SBF2: variants seen among roughly 807,000 people sequenced by gnomAD.
SBF2 encodes myotubularin-related protein 13.
SBF2 carries 112 observed loss-of-function variants against 225.2 expected under a neutral mutation model. That is an observed-to-expected ratio of 0.50 (90% confidence interval 0.43 to 0.58). SBF2 has a LOEUF of 0.58. SBF2 is among the 20% of genes least tolerant of loss of function. The pLI, the probability that SBF2 is intolerant of heterozygous loss-of-function variation, is 0.00. For missense variants in SBF2, 1,996 were observed against 2,206.2 expected (o/e 0.90, Z 1.91); for synonymous variants, 763 against 773.3 (o/e 0.99, Z 0.22).
chr11:10,194,045 A>G (rs1957277794), intron 1 of SBF2, 58 bp from the exon 2 acceptor site: 1 of 1,042,624 alleles, frequency 9.6e-7, no homozygotes, highest in South Asian at 1.3e-5. Context: ...ACAAATACTC[A>G]TTCTACTCTT....
rs188483057 is a variant in SBF2, at chr11:10,044,064, T to G, written c.142-1083A>C. On this transcript the variant is annotated intron_variant, in intron 2 of 39. Transcript: ENST00000256190. ...GAAGAAAGATCTAAAGTCAGTAAACTAAGCTTTGACCTTTGGAAACTAGAA... is the reference window on the plus strand; with the variant it reads ...GAAGAAAGATCTAAAGTCAGTAAACGAAGCTTTGACCTTTGGAAACTAGAA... 8.8e-4 allele frequency among the ~76,000 whole-genome samples: 134 copies of G among 152,270 alleles called. 1 individual carries two copies. Among genetic ancestry groups the G allele is most frequent in the Non-Finnish European group, 1.6e-3 (106 of 68,018 alleles).
intron 2 of SBF2, among the ~76,000 whole-genome samples, chr11:10,110,203 T>C (rs1318277476): frequency 6.6e-6 from 1 of 152,214 alleles, no homozygotes; most frequent in Non-Finnish European, 1.5e-5. Context: ...CTACAAATCT[T>C]GAATCTTGAG....
At chr11:10,080,731 T>C (rs1377033172) in intron 2 of SBF2, among the ~76,000 whole-genome samples, 2 of 152,042 alleles carry the variant, frequency 1.3e-5, no homozygotes, top group Non-Finnish European at 2.9e-5. Context: ...GCCTTACTCA[T>C]AAAGACATGT....
At chr11:10,225,803 T>C (rs980830861) in intron 1 of SBF2, among the ~76,000 whole-genome samples, 1 of 152,166 alleles carries the variant, frequency 6.6e-6, no homozygotes, top group African/African-American at 2.4e-5. Context: ...TGTAATAAGG[T>C]TGGCAAAAGT....
At chr11:9,867,345 T>A (rs958176001) in intron 17 of SBF2, among the ~76,000 whole-genome samples, 3 of 152,094 alleles carry the variant, frequency 2.0e-5, no homozygotes, top group Non-Finnish European at 4.4e-5. Context: ...GGAGATATTA[T>A]CTTGTCCCAG....
chr11:9,980,313 A>AT (rs71034749), intron 13 of SBF2, among the ~76,000 whole-genome samples: 7 of 140,052 alleles, frequency 5.0e-5, no homozygotes, highest in African/African-American at 7.9e-5. Flanking sequence ...AAAAAAAAAA[A>AT]TTTGTAGAGA....
chr11:10,252,707 G>A (rs1960476663), intron 1 of SBF2, among the ~76,000 whole-genome samples: 1 of 152,054 alleles, frequency 6.6e-6, no homozygotes, highest in African/African-American at 2.4e-5. Context: ...CTACTTGGGA[G>A]GCTGAGGCAG....
In SBF2 at chr11:10,233,546, A is replaced by AATAT. The variant is rs370611755; in HGVS notation, c.56-39563_56-39560dup. On this transcript the variant is annotated intron_variant, in intron 1 of 39. Transcript: ENST00000256190. ...AACCTCTTGGTGTATATCCTAACCA[A>AATAT]ATATATATATATATCTCTCTCTCTC... Among the ~76,000 whole-genome samples the AATAT allele has an allele frequency of 6.7e-5, 10 of 150,240 alleles. No individual in the cohort carries two copies. In the South Asian group the frequency reaches 1.1e-3, roughly 16 times the overall value.
chr11:10,239,072 A>G (rs891001547), intron 1 of SBF2, among the ~76,000 whole-genome samples: 3 of 150,860 alleles, frequency 2.0e-5, no homozygotes, highest in African/African-American at 4.8e-5. Context: ...GTTTATGTGT[A>G]TATACATGTA....
intron 2 of SBF2, among the ~76,000 whole-genome samples, chr11:10,071,016 C>T (rs916369427): frequency 6.6e-6 from 1 of 152,082 alleles, no homozygotes; most frequent in Non-Finnish European, 1.5e-5. Flanking sequence ...ATTTTGTTTC[C>T]TGAGACACTG....
At chr11:10,073,690 A>G (rs148964426) in intron 2 of SBF2, among the ~76,000 whole-genome samples, 1 of 152,230 alleles carries the variant, frequency 6.6e-6, no homozygotes, top group Non-Finnish European at 1.5e-5. Context: ...GCACTACTGC[A>G]CTCTAGCCTG....
intron 17 of SBF2, among the ~76,000 whole-genome samples, chr11:9,890,485 T>C (rs1300557153): frequency 6.6e-6 from 1 of 152,222 alleles, no homozygotes; most frequent in Non-Finnish European, 1.5e-5. Flanking sequence ...ATAACGCTCT[T>C]ATTCTGAAGT....
At chr11:9,833,584 C>T (rs536336907) in intron 26 of SBF2, among the ~76,000 whole-genome samples, 1 of 151,608 alleles carries the variant, frequency 6.6e-6, no homozygotes, top group Non-Finnish European at 1.5e-5. Flanking sequence ...CCATCCCTGG[C>T]TAATTTTTTG....
At chr11:9,995,825 C>T (rs1379272760) in intron 9 of SBF2, among the ~76,000 whole-genome samples, 2 of 137,334 alleles carry the variant, frequency 1.5e-5, no homozygotes, top group African/African-American at 2.7e-5. Flanking sequence ...AATTTTTTGT[C>T]TTTTTTTTTT....
rs115083261 is a variant in SBF2 at position 10,021,732 on chromosome 11, T to G, written c.619+6720A>C. Among the ~76,000 whole-genome samples, 1,523 of 152,336 alleles carry G rather than the reference T, an allele frequency of 1.0e-2. 28 individuals are homozygous for G. The highest frequency in any genetic ancestry group is 0.034 in the African/African-American group (1,415 of 41,572). ...AGTCTTATCTGCTTCCTGTCTGTGC[T>G]TTGTAAAATCCGCTACCACCACTAC... On this transcript the variant is annotated intron_variant, in intron 6 of 39. Transcript: ENST00000256190.
intron 2 of SBF2, among the ~76,000 whole-genome samples, chr11:10,045,654 C>G (rs1046493828): frequency 6.6e-6 from 1 of 152,104 alleles, no homozygotes; most frequent in African/African-American, 2.4e-5. Context: ...TTCCCATGAA[C>G]TTTTAAAGGA....
chr11:9,899,898 G>A (rs1256132379), intron 16 of SBF2, among the ~76,000 whole-genome samples: 3 of 152,138 alleles, frequency 2.0e-5, no homozygotes, highest in Non-Finnish European at 4.4e-5. Flanking sequence ...TTATGGTGAG[G>A]GGAGGATGAG....
intron 2 of SBF2, among the ~76,000 whole-genome samples, chr11:10,091,103 T>C (rs1951766869): frequency 6.6e-6 from 1 of 152,122 alleles, no homozygotes; most frequent in Admixed American, 6.5e-5. Context: ...ACAAATTAAG[T>C]CCAATGAAGT....
At chr11:10,227,505 G>A (rs1958624302) in intron 1 of SBF2, among the ~76,000 whole-genome samples, 1 of 152,136 alleles carries the variant, frequency 6.6e-6, no homozygotes, top group South Asian at 2.1e-4. Context: ...TGTATAAGGT[G>A]TAAGGAAGGG....
Sources: allele counts gnomAD v4.1 joint callset (sites outside exome capture counted in the v4.1 genomes callset), GRCh38; gene constraint gnomAD v4.1.1; transcripts MANE v1.5; gene names NCBI Gene and HGNC (gene_info 2026-07-23, HGNC 2026-07-21).